SKAP2: variants seen among roughly 807,000 people sequenced by gnomAD.
The protein encoded by SKAP2 is src kinase-associated phosphoprotein 2.
In SKAP2, 28 loss-of-function variants were observed where a neutral mutation model predicts 54.9. The observed-to-expected ratio is 0.51, with a 90% confidence interval of 0.38 to 0.70. SKAP2 has a LOEUF of 0.70. SKAP2 is among the 30% of genes least tolerant of loss of function. SKAP2 has a pLI of 0.00. For synonymous variants in SKAP2, 137 were observed against 134.3 expected (o/e 1.02, Z -0.14); for missense variants, 356 against 424.1 (o/e 0.84, Z 1.41).
chr7:26,674,032 G>A (rs961289203), intron 11 of SKAP2, among the ~76,000 whole-genome samples: 4 of 151,996 alleles, frequency 2.6e-5, no homozygotes, highest in African/African-American at 9.7e-5. Context: ...TCCGCTTTCT[G>A]CGAATGATAT....
intron 11 of SKAP2, among the ~76,000 whole-genome samples, chr7:26,677,708 C>T (rs1192103428): frequency 6.6e-6 from 1 of 152,176 alleles, no homozygotes; most frequent in East Asian, 1.9e-4. Flanking sequence ...TGTTTTATTG[C>T]TATTATCTAT....
intron 9 of SKAP2, among the ~76,000 whole-genome samples, chr7:26,720,507 C>T (rs1372725202): frequency 1.3e-5 from 2 of 151,694 alleles, no homozygotes; most frequent in African/African-American, 4.8e-5. Context: ...TTTTTTATAA[C>T]TTCGGATAAC....
intron 11 of SKAP2, among the ~76,000 whole-genome samples, chr7:26,682,007 TA>T (rs112513923): frequency 1.2e-4 from 18 of 151,022 alleles, no homozygotes; most frequent in South Asian, 4.2e-4. Context: ...CTAGATGGCG[TA>T]AAAAAAAACA....
chr7:26,762,428 A>G (rs75581208), intron 4 of SKAP2, among the ~76,000 whole-genome samples: 283 of 152,304 alleles, frequency 1.9e-3, no homozygotes, highest in African/African-American at 6.5e-3. Context: ...GTTCTCTCCC[A>G]TATAAACACA....
At position 26,770,670 on chromosome 7, in the gene SKAP2, A is replaced by G. The variant is rs892856028; in HGVS notation, c.308-30706T>C. Among the ~76,000 whole-genome samples, 8 of 152,248 alleles carry G rather than the reference A, an allele frequency of 5.3e-5. No homozygotes were observed. The East Asian group carries it at 9.7e-4, about 18-fold the overall frequency. ...TCTGGGCCAGAGTGTACCATTCCTC[A>G]TGGCACAGTCCCTCACGGCTTCCCT... On this transcript the variant is annotated intron_variant, in intron 4 of 12. Coordinates refer to ENST00000345317, the MANE Select transcript of SKAP2 (RefSeq NM_003930.5).
At chr7:26,692,761 G>A (rs1434670188) in intron 9 of SKAP2, among the ~76,000 whole-genome samples, 2 of 151,998 alleles carry the variant, frequency 1.3e-5, no homozygotes, top group African/African-American at 4.8e-5. Context: ...TTAATAAATG[G>A]GTTAATAGGG....
chr7:26,856,968 T>A (rs394234), intron 1 of SKAP2, among the ~76,000 whole-genome samples: 10 of 149,342 alleles, frequency 6.7e-5, no homozygotes, highest in Non-Finnish European at 3.0e-5. Flanking sequence ...TTTATAAAAA[T>A]TCAGAAAAAA....
intron 4 of SKAP2, among the ~76,000 whole-genome samples, chr7:26,818,043 C>T (rs1254266800): frequency 2.0e-5 from 3 of 152,106 alleles, no homozygotes; most frequent in Non-Finnish European, 4.4e-5. Context: ...ATGCTATCCC[C>T]ATCAAGCTAC....
intron 4 of SKAP2, among the ~76,000 whole-genome samples, chr7:26,762,975 G>C (rs1782965215): frequency 6.6e-6 from 1 of 152,040 alleles, no homozygotes; most frequent in Non-Finnish European, 1.5e-5. Context: ...TATTTTAACT[G>C]AACAAACTTG....
At chr7:26,733,304 A>T (rs138781780) in intron 6 of SKAP2, among the ~76,000 whole-genome samples, 1,783 of 152,108 alleles carry the variant, frequency 0.012, 32 homozygotes, top group African/African-American at 0.041. Context: ...TGCAATTTAA[A>T]TTTTTTAAAT....
At chr7:26,782,804 CA>C in intron 4 of SKAP2, among the ~76,000 whole-genome samples, 1 of 152,278 alleles carries the variant, frequency 6.6e-6, no homozygotes, top group East Asian at 1.9e-4. Context: ...CCTGCTCTTC[CA>C]CCATGTGAGG....
chr7:26,787,024 A>G (rs532839246), intron 4 of SKAP2, among the ~76,000 whole-genome samples: 1 of 152,348 alleles, frequency 6.6e-6, no homozygotes, highest in East Asian at 1.9e-4. Context: ...AGAAATCTAA[A>G]GCCTTGAAGT....
At chr7:26,783,617 G>A (rs1783472233) in intron 4 of SKAP2, among the ~76,000 whole-genome samples, 1 of 152,080 alleles carries the variant, frequency 6.6e-6, no homozygotes, top group Non-Finnish European at 1.5e-5. Context: ...CTATCATAAT[G>A]CTTCCAGTAA....
intron 4 of SKAP2, among the ~76,000 whole-genome samples, chr7:26,818,970 C>T (rs778982391): frequency 6.6e-6 from 1 of 152,042 alleles, no homozygotes; most frequent in Non-Finnish European, 1.5e-5. Flanking sequence ...TTACACTGTT[C>T]GTGGGAGTGT....
intron 4 of SKAP2, among the ~76,000 whole-genome samples, chr7:26,842,968 T>C (rs1488722554): frequency 6.6e-6 from 1 of 152,058 alleles, no homozygotes; most frequent in South Asian, 2.1e-4. Flanking sequence ...CTATTATTGC[T>C]ACACTTTGTA....
At chr7:26,768,754 T>C (rs190462847) in intron 4 of SKAP2, among the ~76,000 whole-genome samples, 31 of 152,312 alleles carry the variant, frequency 2.0e-4, no homozygotes, top group African/African-American at 7.2e-4. Flanking sequence ...GGTTGAAAAT[T>C]CTTTTCTTTA....
At chr7:26,665,164 T>C (rs1248369093), downstream of SKAP2, among the ~76,000 whole-genome samples, 1 of 152,180 alleles carries the variant, frequency 6.6e-6, no homozygotes, top group Non-Finnish European at 1.5e-5. Flanking sequence ...GCTTCTCTGA[T>C]ATTACGCAAG....
chr7:26,783,451 A>G (rs1438928964), intron 4 of SKAP2, among the ~76,000 whole-genome samples: 1 of 151,968 alleles, frequency 6.6e-6, no homozygotes, highest in East Asian at 1.9e-4. Context: ...AAGACCCACC[A>G]AGACCAGAAC....
intron 4 of SKAP2, among the ~76,000 whole-genome samples, chr7:26,770,592 C>T (rs1783168955): frequency 6.6e-6 from 1 of 152,112 alleles, no homozygotes; most frequent in African/African-American, 2.4e-5. Context: ...GCATAGGCAC[C>T]CAAGGGAATC....
Sources: allele counts gnomAD v4.1 joint callset (sites outside exome capture counted in the v4.1 genomes callset), GRCh38; gene constraint gnomAD v4.1.1; transcripts MANE v1.5; gene names NCBI Gene and HGNC (gene_info 2026-07-23, HGNC 2026-07-21).